Variants in ATP6V0A2 observed in about 807,000 individuals in gnomAD.
ATP6V0A2 encodes the protein V-type proton ATPase 116 kDa subunit a 2.
A neutral mutation model predicts 104.4 loss-of-function variants in ATP6V0A2; 58 were observed. The ratio of observed to expected loss-of-function variants is 0.56; its 90% CI spans 0.45 to 0.69. ATP6V0A2 has a LOEUF of 0.69. Among genes scored for constraint, ATP6V0A2 ranks in the 30% least tolerant of loss-of-function variants. The pLI is 0.00. For synonymous variants in ATP6V0A2, 376 were observed against 397.9 expected (o/e 0.95, Z 0.65); for missense variants, 938 against 1,062.9 (o/e 0.88, Z 1.63).
At position 123,733,927 on chromosome 12, in the gene ATP6V0A2, G is replaced by A. The variant is rs775345507; in HGVS notation, c.650G>A (p.Gly217Glu). ...LDESLEDPET[G>E]EVIKWYVFLI... ...CTTATCCTTATTCATTCTTTGTAGGGGGAAGTCATAAAATGGTATGTCTTT... is the reference window on the plus strand; with the variant it reads ...CTTATCCTTATTCATTCTTTGTAGGAGGAAGTCATAAAATGGTATGTCTTT... Residue 217 changes from glycine (G) to glutamate (E), a missense_variant and splice_region_variant, in exon 7 of 20, where the codon GGG becomes GAG. Transcript: ENST00000330342. 1 of 1,610,668 alleles carries A rather than the reference G, an allele frequency of 6.2e-7. No individual in the cohort carries two copies. The highest frequency in any genetic ancestry group is 1.1e-5 in the South Asian group (1 of 91,026).
intron 6 of ATP6V0A2, chr12:123,731,891 C>T (rs1054201092): frequency 1.3e-5 from 2 of 152,346 alleles, no homozygotes; most frequent in African/African-American, 2.4e-5. Context: ...CTCCTGTTCC[C>T]TGGGCCCAGG....
rs767125571 is a variant in ATP6V0A2, at chr12:123,744,775, T to A, written c.1505T>A (p.Val502Glu). Residue 502 changes from valine (V) to glutamate (E), a missense_variant, in exon 12 of 20, where the codon GTG becomes GAG. Transcript: ENST00000330342. The surrounding 1 kb of genome is among the most constrained non-coding windows in gnomAD (Gnocchi z 5.4). ...SHPPAEHKKM[V>E]LWNDSVVRHN... ...CCACCCGCAGAGCATAAGAAGATGG[T>A]GCTTTGGAAGTAAGTGTCCCATAGC... 3 of 1,614,184 alleles carry A rather than the reference T, an allele frequency of 1.9e-6. No homozygotes were observed. Among genetic ancestry groups the A allele is most frequent in the Non-Finnish European group, 2.5e-6 (3 of 1,180,012 alleles).
chr12:123,727,749 C>G (rs915359855), intron 5 of ATP6V0A2, 34 bp from the exon 6 acceptor site: 1 of 1,613,322 alleles, frequency 6.2e-7, no homozygotes, highest in African/African-American at 1.3e-5. Flanking sequence ...TTATTGCTTT[C>G]AGTTGACTAC....
chr12:123,729,658 T>C (rs2135893213), intron 6 of ATP6V0A2, among the ~76,000 whole-genome samples: 1 of 152,310 alleles, frequency 6.6e-6, no homozygotes, highest in African/African-American at 2.4e-5. Flanking sequence ...GATGAACTGC[T>C]GATCTACTAA....
intron 1 of ATP6V0A2, among the ~76,000 whole-genome samples, chr12:123,714,136 C>G (rs1331941657): frequency 6.6e-6 from 1 of 152,172 alleles, no homozygotes; most frequent in Non-Finnish European, 1.5e-5. Context: ...AGTACTCAAG[C>G]CAAGACACTT....
chr12:123,728,085 A>G (rs1283116039), intron 6 of ATP6V0A2, among the ~76,000 whole-genome samples, 176 bp downstream of exon 6: 1 of 152,222 alleles, frequency 6.6e-6, no homozygotes, highest in Non-Finnish European at 1.5e-5. Context: ...ATTGTCTTAT[A>G]TTGCCATCAC....
intron 2 of ATP6V0A2, 84 bp downstream of exon 2, chr12:123,718,785 T>G: frequency 1.0e-6 from 1 of 960,582 alleles, no homozygotes. Flanking sequence ...TTGGAAAATA[T>G]AGACAAGCAG....
intron 7 of ATP6V0A2, among the ~76,000 whole-genome samples, chr12:123,735,160 TGTGTGTCTGTGTGTGTCTG>T (rs1327946279): frequency 0.02 from 3,073 of 151,648 alleles, 47 homozygotes; most frequent in African/African-American, 0.034. Flanking sequence ...TGTGTGTGTG[TGTGTGTCTGTGTGTGTCTG>T]TTGTGTGTCT....
intron 18 of ATP6V0A2, chr12:123,756,507 C>G (rs902147068): frequency 5.9e-6 from 2 of 339,802 alleles, no homozygotes; most frequent in Non-Finnish European, 1.1e-5. Context: ...GGCCTGGGAG[C>G]CTGTTTCTGG....
At chr12:123,735,727 A>G (rs900777114) in intron 8 of ATP6V0A2, 103 bp downstream of exon 8, 6 of 998,674 alleles carry the variant, frequency 6.0e-6, no homozygotes, top group Non-Finnish European at 9.3e-6. Context: ...GTCGTAGACA[A>G]ATCAAGATGT....
At chr12:123,730,188 G>C (rs1483350301) in intron 6 of ATP6V0A2, among the ~76,000 whole-genome samples, 5 of 151,784 alleles carry the variant, frequency 3.3e-5, no homozygotes, top group Admixed American at 3.3e-4. Context: ...TCAAGTAGCT[G>C]GGACTACAGG....
Position 123,743,918 on chromosome 12 carries a change from A to G in ATP6V0A2, c.1172A>G (p.Tyr391Cys), listed in dbSNP as rs865923927. The change falls in exon 10 of 20, where the codon TAC becomes TGC. Residue 391 changes from tyrosine to cysteine, a missense_variant. Physicochemically the swap from Tyr to Cys is radical, Grantham distance 194 (BLOSUM62 -2). Coordinates refer to ENST00000330342, the MANE Select transcript of ATP6V0A2 (RefSeq NM_012463.4). ...GTGGATGCTTATGGAGTCGGAAGCT[A>G]CAGAGAAGTCAATCCAGGTTGGAAG... ...NIVDAYGVGSYREVNPALFTI... is the reference protein window; with the variant it reads ...NIVDAYGVGSCREVNPALFTI... The G allele has an allele frequency of 6.2e-7, 1 of 1,614,234 alleles. No homozygotes were observed. The highest frequency in any genetic ancestry group is 1.3e-5 in the African/African-American group (1 of 75,066).
chr12:123,739,476 C>CT (rs1166695217), intron 9 of ATP6V0A2, among the ~76,000 whole-genome samples: 1 of 151,956 alleles, frequency 6.6e-6, no homozygotes, highest in East Asian at 1.9e-4. Context: ...TACAGGATGC[C>CT]TTTTTTTTCT....
intron 15 of ATP6V0A2, 130 bp downstream of exon 15, chr12:123,748,915 T>A (rs1392343895): frequency 1.1e-6 from 1 of 918,816 alleles, no homozygotes; most frequent in East Asian, 2.5e-5. Flanking sequence ...GCATGTGTCA[T>A]CACTGGAGGA....
At chr12:123,742,891 TG>T (rs1225401415) in intron 9 of ATP6V0A2, among the ~76,000 whole-genome samples, 1 of 152,158 alleles carries the variant, frequency 6.6e-6, no homozygotes, top group East Asian at 1.9e-4. Context: ...GTCAATAACC[TG>T]TTTACCTTAT....
chr12:123,756,254 T>C (rs1331657501), intron 18 of ATP6V0A2: 1 of 151,554 alleles, frequency 6.6e-6, no homozygotes, highest in Non-Finnish European at 1.5e-5. Flanking sequence ...AGGTCTTTAC[T>C]GTGCAAAGCA....
At chr12:123,752,261 T>C (rs1956722737) in intron 16 of ATP6V0A2, 22 bp from the exon 17 acceptor site, 1 of 1,613,950 alleles carries the variant, frequency 6.2e-7, no homozygotes, top group Admixed American at 1.7e-5. Flanking sequence ...AGGCACTGAC[T>C]CTGTGCTCTT....
chr12:123,748,260 G>A (rs959644568), intron 14 of ATP6V0A2, among the ~76,000 whole-genome samples: 12 of 152,160 alleles, frequency 7.9e-5, no homozygotes, highest in South Asian at 6.2e-4. Context: ...TTGTAACAAT[G>A]TAAGACACAG....
In ATP6V0A2 at chr12:123,737,437, T is replaced by C. The variant is rs115186237; in HGVS notation, c.1038+166T>C. 2.4e-4 allele frequency: 180 copies of C among 763,272 alleles called. No homozygotes were observed. In the African/African-American group the frequency reaches 2.7e-3, roughly 12 times the overall value. The allele number at this position is 763,272 out of a possible 1,614,324, so 47.3% of individuals were successfully genotyped here. ...TTAATTAACAAAATTAAAATAGAGA[T>C]GGGGTTTTGCTGTGTTGCCCAGGCT... On this transcript the variant is annotated intron_variant, in intron 9 of 19. Coordinates refer to ENST00000330342, the MANE Select transcript of ATP6V0A2 (RefSeq NM_012463.4).
Sources: allele counts gnomAD v4.1 joint callset (sites outside exome capture counted in the v4.1 genomes callset), GRCh38; gene constraint gnomAD v4.1.1; non-coding constraint Gnocchi (gnomAD v3.1); transcripts MANE v1.5; gene names NCBI Gene and HGNC (gene_info 2026-07-23, HGNC 2026-07-21).